CORO2A: variants seen among roughly 807,000 people sequenced by gnomAD.
The protein encoded by CORO2A is coronin-2A.
In CORO2A, 47 loss-of-function variants were observed where a neutral mutation model predicts 62.4. The ratio of observed to expected loss-of-function variants is 0.75; its 90% CI spans 0.60 to 0.96. The LOEUF is 0.96. CORO2A is among the 40% of genes least tolerant of loss of function. The pLI, the probability that CORO2A is intolerant of heterozygous loss-of-function variation, is 0.00. For synonymous variants in CORO2A, 273 were observed against 268.9 expected (o/e 1.02, Z -0.15); for missense variants, 610 against 684.1 (o/e 0.89, Z 1.21).
In CORO2A at chr9:98,173,278, C is replaced by T. The variant is rs1564216796; in HGVS notation, c.1-15618G>A. On this transcript the variant is annotated intron_variant, in intron 1 of 11. Coordinates refer to ENST00000375077, the MANE Select transcript of CORO2A (RefSeq NM_052820.4). ...GGAAGCCGCTGGCCCAGGGGCCACT[C>T]TTTGAGAATCGCTGCTCTACAGCCC... Among the ~76,000 whole-genome samples the T allele has an allele frequency of 2.6e-5, 4 of 152,240 alleles. No homozygotes were observed. The East Asian group carries it at 7.7e-4, about 29-fold the overall frequency.
intron 1 of CORO2A, among the ~76,000 whole-genome samples, chr9:98,158,836 AACAC>A (rs34090994): frequency 0.1 from 14,868 of 149,280 alleles, 959 homozygotes; most frequent in South Asian, 0.22. Flanking sequence ...AAAAGAAGAA[AACAC>A]ACACACACAC....
chr9:98,138,279 G>A (rs1321238095), intron 2 of CORO2A, among the ~76,000 whole-genome samples: 1 of 152,038 alleles, frequency 6.6e-6, no homozygotes, highest in Non-Finnish European at 1.5e-5. Context: ...GCCGGGCGTG[G>A]TAGCATGCAC....
intron 8 of CORO2A, 151 bp downstream of exon 8, chr9:98,129,643 C>A (rs904649375): frequency 2.1e-5 from 14 of 664,672 alleles, no homozygotes; most frequent in African/African-American, 3.5e-5. Context: ...ACAGCCCCCA[C>A]CAAGTCAGAG....
intron 1 of CORO2A, among the ~76,000 whole-genome samples, chr9:98,166,944 TA>T (rs35394733): frequency 2.7e-5 from 4 of 148,268 alleles, no homozygotes; most frequent in African/African-American, 7.4e-5. Context: ...CTGCTAGAAA[TA>T]AAAAAAAAAT....
intron 2 of CORO2A, among the ~76,000 whole-genome samples, chr9:98,142,375 G>GTT (rs1428738837): frequency 6.6e-6 from 1 of 152,244 alleles, no homozygotes; most frequent in African/African-American, 2.4e-5. Context: ...TGTACTTCCT[G>GTT]TGCTCTGAGG....
rs777103772 is a variant in CORO2A at position 98,134,914 on chromosome 9, G to A, written c.360C>T (p.Asn120=). The change falls in exon 4 of 12, where the codon AAC becomes AAT. Residue 120 remains asparagine, a synonymous_variant. Coordinates refer to ENST00000375077, the MANE Select transcript of CORO2A (RefSeq NM_052820.4). ...WSIPKQLLTR[N]LTAYRKELVG... ...CGAGTTCCTTCCTGTAGGCCGTGAG[G>A]TTCCTGGTCAGCAGCTGCTTGGGGA... 2 of 1,614,166 alleles carry A rather than the reference G, an allele frequency of 1.2e-6. No homozygotes were observed. The highest frequency in any genetic ancestry group is 1.7e-6 in the Non-Finnish European group (2 of 1,180,020).
chr9:98,185,613 G>T (rs1034647020), intron 1 of CORO2A, among the ~76,000 whole-genome samples: 4 of 152,184 alleles, frequency 2.6e-5, no homozygotes, highest in African/African-American at 9.6e-5. Flanking sequence ...GGCAGGAGGG[G>T]GCTCTGTCTG....
intron 11 of CORO2A, among the ~76,000 whole-genome samples, chr9:98,125,191 C>T (rs768432846): frequency 6.6e-6 from 1 of 152,198 alleles, no homozygotes; most frequent in Non-Finnish European, 1.5e-5. Flanking sequence ...TTGGTGTTTT[C>T]GCCACCACTG....
chr9:98,171,978 T>A (rs1366050183), intron 1 of CORO2A, among the ~76,000 whole-genome samples: 1 of 152,004 alleles, frequency 6.6e-6, no homozygotes, highest in Non-Finnish European at 1.5e-5. Context: ...TTTCCTCAAC[T>A]TTGGGCTGGT....
chr9:98,131,106 C>A (rs752803590), intron 6 of CORO2A, 47 bp from the exon 7 acceptor site: 13 of 1,319,006 alleles, frequency 9.9e-6, no homozygotes, highest in Non-Finnish European at 1.2e-5. Context: ...CTCCTGGGGG[C>A]CCTCAGTGGT....
At chr9:98,152,689 C>T (rs1827742193) in intron 2 of CORO2A, among the ~76,000 whole-genome samples, 1 of 152,110 alleles carries the variant, frequency 6.6e-6, no homozygotes, top group African/African-American at 2.4e-5. Context: ...TCATGTGTCC[C>T]ATGATGTAAT....
intron 1 of CORO2A, among the ~76,000 whole-genome samples, chr9:98,170,794 T>A (rs924578235): frequency 4.9e-4 from 74 of 152,140 alleles, no homozygotes; most frequent in African/African-American, 1.7e-3. Flanking sequence ...GCAAATCTCG[T>A]CCCCTCTCCC....
Position 98,159,578 on chromosome 9 carries a change from C to T in CORO2A, c.1-1918G>A, listed in dbSNP as rs1269453298. Reference sequence around the variant, plus strand: ...TTCTGCTTGGCTTGCCATTCCCATGCCCCCACCTCCTGTTCCCATCTCCAC... The same window carrying T: ...TTCTGCTTGGCTTGCCATTCCCATGTCCCCACCTCCTGTTCCCATCTCCAC... On this transcript the variant is annotated intron_variant, in intron 1 of 11. Coordinates refer to ENST00000375077, the MANE Select transcript of CORO2A (RefSeq NM_052820.4). Among the ~76,000 whole-genome samples the T allele has an allele frequency of 5.3e-5, 8 of 151,588 alleles. No individual in the cohort carries two copies. In the South Asian group the frequency reaches 1.7e-3, roughly 32 times the overall value.
chr9:98,185,397 G>A (rs531941950), intron 1 of CORO2A, among the ~76,000 whole-genome samples: 29 of 152,350 alleles, frequency 1.9e-4, no homozygotes, highest in African/African-American at 6.7e-4. Flanking sequence ...TTTTACAGAT[G>A]AGGACACTGA....
Position 98,176,785 on chromosome 9 carries a change from C to G in CORO2A, c.-1+15774G>C, listed in dbSNP as rs1828113957. Reference sequence around the variant, plus strand: ...CACATCTCAGAACAAAAGCACTAGCCAGACCCCAAGAGATCGTGGGGTACA... The same window carrying G: ...CACATCTCAGAACAAAAGCACTAGCGAGACCCCAAGAGATCGTGGGGTACA... On this transcript the variant is annotated intron_variant, in intron 1 of 11. Transcript: ENST00000375077. Among the ~76,000 whole-genome samples, 3 of 152,260 alleles carry G rather than the reference C, an allele frequency of 2.0e-5. No homozygotes were observed. The South Asian group carries it at 6.2e-4, about 32-fold the overall frequency.
intron 1 of CORO2A, among the ~76,000 whole-genome samples, chr9:98,185,869 G>T (rs1478046217): frequency 6.6e-6 from 1 of 152,240 alleles, no homozygotes; most frequent in African/African-American, 2.4e-5. Context: ...ATCCCTGGCA[G>T]CAGGCAGCCC....
chr9:98,160,091 T>C (rs927588760), intron 1 of CORO2A, among the ~76,000 whole-genome samples: 1 of 152,144 alleles, frequency 6.6e-6, no homozygotes, highest in African/African-American at 2.4e-5. Flanking sequence ...GGCTTGTGTA[T>C]CCCATAAAGC....
Position 98,126,664 on chromosome 9 carries a change from A to G in CORO2A, c.1331T>C (p.Leu444Pro), listed in dbSNP as rs201734917. Residue 444 changes from leucine to proline, a missense_variant, in exon 11 of 12, where the codon CTG becomes CCG. Coordinates refer to ENST00000375077, the MANE Select transcript of CORO2A (RefSeq NM_052820.4). Reference protein sequence around the residue: ...AAEDGWRSSSLLEEKMPRWAA... With the variant: ...AAEDGWRSSSPLEEKMPRWAA... Reference sequence around the variant, plus strand: ...CCACCTTGGCATCTTCTCCTCCAACAGGGAGGAAGACCTCCAGCCATCTTC... The same window carrying G: ...CCACCTTGGCATCTTCTCCTCCAACGGGGAGGAAGACCTCCAGCCATCTTC... The G allele has an allele frequency of 6.8e-6, 11 of 1,614,066 alleles. No homozygotes were observed. The highest frequency in any genetic ancestry group is 3.3e-4 in the Middle Eastern group (2 of 6,084).
At chr9:98,170,177 T>C (rs1828014536) in intron 1 of CORO2A, among the ~76,000 whole-genome samples, 1 of 152,240 alleles carries the variant, frequency 6.6e-6, no homozygotes, top group Non-Finnish European at 1.5e-5. Context: ...TCTCCTTTCC[T>C]GCCCACTGTG....
Sources: gnomAD v4.1 joint callset for allele counts (sites outside exome capture counted in the v4.1 genomes callset) on GRCh38, gnomAD v4.1.1 for gene constraint, MANE v1.5 for transcripts, NCBI Gene and HGNC (gene_info 2026-07-23, HGNC 2026-07-21) for gene names.